MAF: variants seen among roughly 807,000 people sequenced by gnomAD.
MAF encodes transcription factor Maf.
MAF carries 10 observed loss-of-function variants against 22.0 expected under a neutral mutation model. The observed-to-expected ratio is 0.45, with a 90% CI of 0.28 to 0.77. The LOEUF is 0.77. Ranked by LOEUF, MAF falls within the 30% of genes least tolerant of loss-of-function variation. The pLI, the probability that MAF is intolerant of heterozygous loss-of-function variation, is 0.12. For missense variants in MAF, 544 were observed against 548.4 expected (o/e 0.99, Z 0.08); for synonymous variants, 337 against 255.8 (o/e 1.32, Z -3.03).
chr16:79,349,555 C>G, the MAF span, among the ~76,000 whole-genome samples: 1 of 152,228 alleles, frequency 6.6e-6, no homozygotes, highest in Admixed American at 6.5e-5. Flanking sequence ...AGACACCAGA[C>G]TGACCTGGGT....
At chr16:79,489,162 CATCCATCCACCTATCCACACATCCATTT>C in the MAF span, among the ~76,000 whole-genome samples, 1 of 152,058 alleles carries the variant, frequency 6.6e-6, no homozygotes, top group Non-Finnish European at 1.5e-5. Context: ...CATCCCCACA[CATCCATCCACCTATCCACACATCCATTT>C]ATCCATCCAT....
chr16:79,262,114 G>A, the MAF span, among the ~76,000 whole-genome samples: 1 of 152,134 alleles, frequency 6.6e-6, no homozygotes, highest in African/African-American at 2.4e-5. Flanking sequence ...TCCCTTCCGT[G>A]TACCACTCAC....
At chr16:79,466,454 AG>A in the MAF span, among the ~76,000 whole-genome samples, 1 of 152,234 alleles carries the variant, frequency 6.6e-6, no homozygotes, top group Non-Finnish European at 1.5e-5. Context: ...AAAATATTCA[AG>A]CATCTTGAGT....
chr16:79,596,786 CACAAT>C, intron 1 of MAF: 4 of 1,047,130 alleles, frequency 3.8e-6, no homozygotes, highest in Non-Finnish European at 4.6e-6. Context: ...AGTTCTGCAC[CACAAT>C]ACAACTGTAA....
the MAF span, among the ~76,000 whole-genome samples, chr16:79,476,042 G>C: frequency 6.6e-6 from 1 of 152,204 alleles, no homozygotes; most frequent in Non-Finnish European, 1.5e-5. Context: ...AGGTGGGCCT[G>C]ACCTAACCAG....
the MAF span, among the ~76,000 whole-genome samples, chr16:79,539,827 C>T: frequency 2.6e-5 from 4 of 152,216 alleles, no homozygotes; most frequent in African/African-American, 9.6e-5. Context: ...ATGTCAGACA[C>T]TCTGAGGCAT....
chr16:79,281,224 G>GAA, the MAF span, among the ~76,000 whole-genome samples: 44,089 of 142,798 alleles, frequency 0.31, 7,364 homozygotes, highest in East Asian at 0.65. Flanking sequence ...GTTTCAATAT[G>GAA]AAAAAAAAAA....
At chr16:79,344,382 C>T in the MAF span, among the ~76,000 whole-genome samples, 1 of 152,190 alleles carries the variant, frequency 6.6e-6, no homozygotes, top group Admixed American at 6.5e-5. Context: ...GGGTATAAAT[C>T]TCTTGGGGTC....
the MAF span, among the ~76,000 whole-genome samples, chr16:79,461,197 G>A: frequency 6.6e-6 from 1 of 152,142 alleles, no homozygotes; most frequent in Non-Finnish European, 1.5e-5. Context: ...GATGGCTGTA[G>A]GATTTTGTAA....
chr16:79,522,390 C>G, the MAF span, among the ~76,000 whole-genome samples: 1 of 152,158 alleles, frequency 6.6e-6, no homozygotes, highest in East Asian at 1.9e-4. Flanking sequence ...TCCCCACGCC[C>G]CACCACCCCC....
At chr16:79,514,685 A>G in the MAF span, among the ~76,000 whole-genome samples, 1 of 152,134 alleles carries the variant, frequency 6.6e-6, no homozygotes, top group Non-Finnish European at 1.5e-5. Context: ...TACAGACCCA[A>G]TCTCCATCCT....
chr16:79,546,053 A>C, the MAF span, among the ~76,000 whole-genome samples: 1 of 152,058 alleles, frequency 6.6e-6, no homozygotes, highest in East Asian at 1.9e-4. Flanking sequence ...ATAAATAATA[A>C]ATTATAAAAT....
the MAF span, among the ~76,000 whole-genome samples, chr16:79,537,995 C>T: frequency 1.3e-5 from 2 of 152,238 alleles, no homozygotes; most frequent in Middle Eastern, 3.4e-3. Flanking sequence ...AATTAATGAT[C>T]TAAAAAGTCA....
At chr16:79,488,382 G>C in the MAF span, among the ~76,000 whole-genome samples, 1 of 152,156 alleles carries the variant, frequency 6.6e-6, no homozygotes, top group Admixed American at 6.5e-5. Flanking sequence ...GCTCTGGGGC[G>C]AGACTGCTTG....
the MAF span, among the ~76,000 whole-genome samples, chr16:79,512,089 C>G: frequency 3.9e-5 from 6 of 152,190 alleles, no homozygotes; most frequent in Admixed American, 1.3e-4. Flanking sequence ...ATGGCGAACT[C>G]ACTACCTGTA....
chr16:79,453,466 G>C, the MAF span, among the ~76,000 whole-genome samples: 1 of 152,172 alleles, frequency 6.6e-6, no homozygotes, highest in African/African-American at 2.4e-5. Context: ...AAGCAATGTA[G>C]ATAAATTCCA....
At chr16:79,413,568 C>G in the MAF span, among the ~76,000 whole-genome samples, 1 of 151,994 alleles carries the variant, frequency 6.6e-6, no homozygotes, top group Non-Finnish European at 1.5e-5. Flanking sequence ...CTTTACCTCT[C>G]TGAGCTATAT....
the MAF span, among the ~76,000 whole-genome samples, chr16:79,334,209 A>T: frequency 6.6e-6 from 1 of 152,240 alleles, no homozygotes; most frequent in African/African-American, 2.4e-5. Context: ...GTCTGTCAAC[A>T]GGTGACTAGG....
the MAF span, among the ~76,000 whole-genome samples, chr16:79,240,869 T>C: frequency 6.6e-6 from 1 of 152,026 alleles, no homozygotes; most frequent in Non-Finnish European, 1.5e-5. Flanking sequence ...ATCTTTGCTG[T>C]TCTGCAGCCT....
Sources: allele counts gnomAD v4.1 joint callset (sites outside exome capture counted in the v4.1 genomes callset), GRCh38; gene constraint gnomAD v4.1.1; transcripts MANE v1.5; gene names NCBI Gene and HGNC (gene_info 2026-07-23, HGNC 2026-07-21).